MSI2: variants seen among roughly 807,000 people sequenced by gnomAD.
MSI2 encodes the protein RNA-binding protein Musashi homolog 2.
MSI2 carries 17 observed loss-of-function variants against 45.6 expected under a neutral mutation model. That is an observed-to-expected ratio of 0.37 (90% CI 0.26 to 0.56). The LOEUF (loss-of-function observed/expected upper bound fraction) is 0.56. Among genes scored for constraint, MSI2 ranks in the 20% least tolerant of loss-of-function variants. The pLI is 0.77. For synonymous variants in MSI2, 156 were observed against 158.2 expected (o/e 0.99, Z 0.11); for missense variants, 293 against 444.2 (o/e 0.66, Z 3.06).
intron 5 of MSI2, among the ~76,000 whole-genome samples, chr17:57,315,375 C>T (rs1912774194): frequency 1.3e-5 from 2 of 149,540 alleles, no homozygotes; most frequent in South Asian, 2.1e-4. Context: ...GGACCACAGA[C>T]GTGGGGCATT....
chr17:57,614,154 G>A (rs1214885253), intron 8 of MSI2, among the ~76,000 whole-genome samples: 3 of 152,048 alleles, frequency 2.0e-5, no homozygotes, highest in Admixed American at 6.5e-5. Context: ...GGGTTCAAGC[G>A]ATTCTTCTGC....
the MSI2 span, among the ~76,000 whole-genome samples, chr17:57,701,190 G>A: frequency 5.3e-5 from 8 of 152,168 alleles, no homozygotes; most frequent in Admixed American, 2.0e-4. Flanking sequence ...ACAGGTGTAC[G>A]TGCACATGAA....
At chr17:57,489,752 G>C (rs1381797661) in intron 6 of MSI2, among the ~76,000 whole-genome samples, 1 of 152,216 alleles carries the variant, frequency 6.6e-6, no homozygotes, top group African/African-American at 2.4e-5. Flanking sequence ...TGGGCACAGT[G>C]CCGGACACTG....
rs367821080 is a variant in MSI2 at position 57,652,547 on chromosome 17, C to T, written c.790+386C>T. On this transcript the variant is annotated intron_variant, in intron 11 of 13. Transcript: ENST00000284073. This position sits in a 1 kb window ranked among gnomAD's most constrained non-coding sequence, Gnocchi z 4.1. ...TCCCTTCCTTGGGTCCCTGAGCCAG[C>T]CAGAGAAGTGCTAGGCTGTCCCCTG... 5.9e-5 allele frequency among the ~76,000 whole-genome samples: 9 copies of T among 152,316 alleles called. No homozygotes were observed. The highest frequency in any genetic ancestry group is 1.7e-4 in the African/African-American group (7 of 41,560).
At position 57,633,103 on chromosome 17, in the gene MSI2, A is replaced by G. The variant is rs147051068; in HGVS notation, c.727+5800A>G. 1.4e-4 allele frequency: 144 copies of G among 1,031,260 alleles called. 1 individual carries two copies. In the East Asian group the frequency reaches 8.8e-3, roughly 63 times the overall value. 63.9% of individuals were successfully genotyped at this position (1,031,260 alleles called of 1,614,324 possible). A position where few individuals can be genotyped will look rare whatever the true frequency, so the allele number is the denominator to read the frequency against. On this transcript the variant is annotated intron_variant, in intron 10 of 13. Transcript: ENST00000284073. ...TTTTCTTCATCTCTGTAAATAGTTCATCTGTGCTTCTCCCTGATGACGTTT... is the reference window on the plus strand; with the variant it reads ...TTTTCTTCATCTCTGTAAATAGTTCGTCTGTGCTTCTCCCTGATGACGTTT...
rs545289979 is a variant in MSI2, at chr17:57,532,529, T to G, written c.454+2805T>G. On this transcript the variant is annotated intron_variant, in intron 7 of 13. Transcript: ENST00000284073. The stretch of plus-strand genomic sequence containing the variant: ...AACATTGAAGAGAGTGAAAAAAAAT[T>G]TTTGTTTTTCAAAAAGAAGAACATA... Among the ~76,000 whole-genome samples, 252 of 152,262 alleles carry G rather than the reference T, an allele frequency of 1.7e-3. 3 individuals are homozygous for G. The highest frequency in any genetic ancestry group is 5.6e-3 in the African/African-American group (234 of 41,560).
At chr17:57,360,635 A>G (rs1017898633) in intron 5 of MSI2, among the ~76,000 whole-genome samples, 2 of 152,258 alleles carry the variant, frequency 1.3e-5, no homozygotes, top group African/African-American at 4.8e-5. Flanking sequence ...ACTAGGCTTT[A>G]TGCCCATGGA....
chr17:57,394,635 G>T (rs1420475751), intron 5 of MSI2, among the ~76,000 whole-genome samples: 1 of 152,182 alleles, frequency 6.6e-6, no homozygotes, highest in Non-Finnish European at 1.5e-5. Context: ...TCACCTTTGG[G>T]TTGCTTCTCC....
intron 5 of MSI2, among the ~76,000 whole-genome samples, chr17:57,295,992 C>CTTTTTTTTTTTTTTTTTTTTT (rs386386327): frequency 7.8e-5 from 3 of 38,624 alleles, no homozygotes; most frequent in Admixed American, 5.2e-4. Flanking sequence ...CGCAGCCTTC[C>CTTTTTTTTTTTTTTTTTTTTT]TTTTTTTTTT....
At chr17:57,437,585 C>T (rs557761407) in intron 6 of MSI2, among the ~76,000 whole-genome samples, 2 of 152,306 alleles carry the variant, frequency 1.3e-5, no homozygotes, top group East Asian at 3.9e-4. Context: ...CTGCAATGAA[C>T]TTTTCTTCAA....
intron 7 of MSI2, among the ~76,000 whole-genome samples, chr17:57,531,266 C>T (rs1328029204): frequency 6.6e-6 from 1 of 152,200 alleles, no homozygotes; most frequent in African/African-American, 2.4e-5. Context: ...CTTTATGCCT[C>T]AGTTTATTCA....
intron 11 of MSI2, among the ~76,000 whole-genome samples, chr17:57,655,306 G>T (rs190862425): frequency 1.3e-5 from 2 of 152,266 alleles, no homozygotes; most frequent in African/African-American, 4.8e-5. Context: ...TGTTTATTTT[G>T]ATCGTATTCA....
chr17:57,383,513 T>G (rs1198148071), intron 5 of MSI2, among the ~76,000 whole-genome samples: 1 of 151,806 alleles, frequency 6.6e-6, no homozygotes, highest in African/African-American at 2.4e-5. Context: ...AAAAAAGAAT[T>G]AGTGAGGCAT....
At chr17:57,598,052 C>CCTTT (rs1897382927) in intron 8 of MSI2, among the ~76,000 whole-genome samples, 1 of 152,184 alleles carries the variant, frequency 6.6e-6, no homozygotes, top group South Asian at 2.1e-4. Context: ...CTCACAAACT[C>CCTTT]CTTTCTTCGG....
intron 5 of MSI2, among the ~76,000 whole-genome samples, chr17:57,332,603 T>G (rs1914361484): frequency 6.6e-6 from 1 of 152,246 alleles, no homozygotes; most frequent in Non-Finnish European, 1.5e-5. Flanking sequence ...TTAAGAATAC[T>G]TTAAAAACAA....
At chr17:57,274,243 G>A (rs1046649750) in intron 5 of MSI2, 7 of 152,152 alleles carry the variant, frequency 4.6e-5, no homozygotes, top group East Asian at 1.9e-4. Flanking sequence ...TTTTACTGTC[G>A]TTATTTTTAT....
At chr17:57,435,345 C>T (rs1424369062) in intron 6 of MSI2, among the ~76,000 whole-genome samples, 1 of 152,150 alleles carries the variant, frequency 6.6e-6, no homozygotes, top group African/African-American at 2.4e-5. Flanking sequence ...GGTGTGATGG[C>T]ACCTGGTGTG....
At chr17:57,452,269 C>T (rs1328267322) in intron 6 of MSI2, among the ~76,000 whole-genome samples, 2 of 152,264 alleles carry the variant, frequency 1.3e-5, no homozygotes, top group Admixed American at 6.5e-5. Flanking sequence ...CTCTTCTCTT[C>T]TCCACCAGGA....
intron 9 of MSI2, among the ~76,000 whole-genome samples, chr17:57,617,835 C>T (rs1433527777): frequency 6.6e-6 from 1 of 152,078 alleles, no homozygotes; most frequent in Non-Finnish European, 1.5e-5. Flanking sequence ...ATTTGGGAGG[C>T]CGAGGCAGAT....
Sources: allele counts gnomAD v4.1 joint callset (sites outside exome capture counted in the v4.1 genomes callset), GRCh38; gene constraint gnomAD v4.1.1; non-coding constraint Gnocchi (gnomAD v3.1); transcripts MANE v1.5; gene names NCBI Gene and HGNC (gene_info 2026-07-23, HGNC 2026-07-21).